Variants in TBCE observed in about 807,000 individuals in gnomAD.
The protein encoded by TBCE is tubulin folding cofactor E.
Under a neutral mutation model 77.0 loss-of-function variants are expected in TBCE, and 53 were observed. The observed-to-expected ratio is 0.69, with a 90% CI of 0.55 to 0.87. The LOEUF is 0.87. Ranked by LOEUF, TBCE falls within the 40% of genes least tolerant of loss-of-function variation. The pLI, the probability that TBCE is intolerant of heterozygous loss-of-function variation, is 0.00. For synonymous variants in TBCE, 235 were observed against 241.3 expected (o/e 0.97, Z 0.24); for missense variants, 624 against 622.4 (o/e 1.00, Z -0.03).
chr1:235,423,590 G>C (rs1279979512), intron 5 of TBCE: 1 of 153,802 alleles, frequency 6.5e-6, no homozygotes, highest in Non-Finnish European at 1.5e-5. Flanking sequence ...GGGCAGCCGA[G>C]AGGAGGCTGA....
intron 1 of TBCE, among the ~76,000 whole-genome samples, chr1:235,375,337 CA>C (rs1677230799): frequency 6.6e-6 from 1 of 152,132 alleles, no homozygotes; most frequent in South Asian, 2.1e-4. Flanking sequence ...CCATCTGAAC[CA>C]AGCCTTAGTC....
intron 4 of TBCE, among the ~76,000 whole-genome samples, chr1:235,417,356 T>C (rs182420544): frequency 7.3e-4 from 111 of 152,376 alleles, no homozygotes; most frequent in African/African-American, 2.4e-3. Flanking sequence ...TGTAGTTCTT[T>C]TCAATGATGT....
At chr1:235,445,062 T>A (rs1682153038) in intron 15 of TBCE, among the ~76,000 whole-genome samples, 1 of 152,252 alleles carries the variant, frequency 6.6e-6, no homozygotes, top group Admixed American at 6.5e-5. Context: ...GCTGTTTTTA[T>A]TAATCTTTGG....
Position 235,435,812 on chromosome 1 carries a change from C to T in TBCE, c.805C>T (p.Gln269Ter), listed in dbSNP as rs751896021. 1.2e-6 allele frequency: 2 copies of T among 1,614,154 alleles called. No homozygotes were observed. The highest frequency in any genetic ancestry group is 2.2e-5 in the South Asian group (2 of 91,082). The change falls in exon 9 of 17, where the codon CAG becomes TAG. Residue 269 changes from glutamine to a stop codon, truncating the protein, a stop_gained. Coordinates refer to ENST00000642610, the MANE Select transcript of TBCE (RefSeq NM_003193.5). LOFTEE classifies it high-confidence loss of function. ...CTCTAATCAATTAATTGATGAAAATCAGCTGTATCTGATAGCCCACCTGCC... is the reference window on the plus strand; with the variant it reads ...CTCTAATCAATTAATTGATGAAAATTAGCTGTATCTGATAGCCCACCTGCC... ...LSSNQLIDEN[Q>*]LYLIAHLPRL...
chr1:235,437,975 A>G (rs1424300714), intron 12 of TBCE, among the ~76,000 whole-genome samples: 1 of 152,192 alleles, frequency 6.6e-6, no homozygotes, highest in Non-Finnish European at 1.5e-5. Flanking sequence ...CACTTAGATC[A>G]GTGCAGTATC....
intron 13 of TBCE, 154 bp downstream of exon 13, chr1:235,439,076 C>T: frequency 9.4e-7 from 1 of 1,059,254 alleles, no homozygotes; most frequent in South Asian, 1.3e-5. Flanking sequence ...AGGCACTTTC[C>T]TGGGGCGAGG....
At position 235,428,705 on chromosome 1, in the gene TBCE, G is replaced by C. The variant is rs531190550; in HGVS notation, c.560+1466G>C. Among the ~76,000 whole-genome samples the C allele has an allele frequency of 4.6e-4, 70 of 151,326 alleles. 1 individual carries two copies. The highest frequency in any genetic ancestry group is 8.5e-4 in the Non-Finnish European group (58 of 67,860). On this transcript the variant is annotated intron_variant, in intron 6 of 16. Coordinates refer to ENST00000642610, the MANE Select transcript of TBCE (RefSeq NM_003193.5). ...TGTCGCCAGGCTGGAGTGCAGTGGC[G>C]TGATCTTGGCTCACTGCAACCTCTG...
chr1:235,390,374 TA>T (rs1051327670), intron 2 of TBCE, among the ~76,000 whole-genome samples: 7 of 151,982 alleles, frequency 4.6e-5, no homozygotes, highest in Admixed American at 1.3e-4. Flanking sequence ...TAGATGGAAT[TA>T]AGGTTGCTAA....
At chr1:235,381,625 C>T (rs1231668900) in intron 2 of TBCE, among the ~76,000 whole-genome samples, 1 of 127,484 alleles carries the variant, frequency 7.8e-6, no homozygotes, top group Non-Finnish European at 1.5e-5. Context: ...GTGGAGGTTG[C>T]AGTGAGCCGA....
At chr1:235,431,479 A>G (rs910230161) in intron 7 of TBCE, among the ~76,000 whole-genome samples, 1 of 151,200 alleles carries the variant, frequency 6.6e-6, no homozygotes, top group African/African-American at 2.4e-5. Context: ...CTCCCACCTC[A>G]GCCTCCCAAG....
intron 5 of TBCE, among the ~76,000 whole-genome samples, chr1:235,425,440 A>G (rs763101807): frequency 4.6e-5 from 7 of 151,980 alleles, no homozygotes; most frequent in South Asian, 2.1e-4. Context: ...TTTCCCTGCA[A>G]TTGTGCTCAA....
chr1:235,435,391 G>A (rs374739691), intron 8 of TBCE, among the ~76,000 whole-genome samples: 10 of 152,274 alleles, frequency 6.6e-5, no homozygotes, highest in African/African-American at 1.9e-4. Flanking sequence ...GTGAGCCACC[G>A]TGCCTGGCCT....
intron 3 of TBCE, among the ~76,000 whole-genome samples, chr1:235,406,949 C>T (rs1322381397): frequency 1.3e-5 from 2 of 149,692 alleles, no homozygotes; most frequent in Non-Finnish European, 2.9e-5. Flanking sequence ...ATTCTCCTGT[C>T]TCAGCCTTTT....
chr1:235,396,518 T>G (rs972787680), intron 2 of TBCE, among the ~76,000 whole-genome samples: 3 of 152,234 alleles, frequency 2.0e-5, no homozygotes, highest in African/African-American at 7.2e-5. Context: ...GCAGTGGGAT[T>G]GCTGGAACAT....
chr1:235,401,018 T>TA (rs1335758972), intron 2 of TBCE, among the ~76,000 whole-genome samples: 1 of 151,684 alleles, frequency 6.6e-6, no homozygotes, highest in African/African-American at 2.4e-5. Context: ...TTTTTTTTTT[T>TA]AATTTTTATT....
chr1:235,387,599 G>C (rs532858328), intron 2 of TBCE, among the ~76,000 whole-genome samples: 3 of 152,160 alleles, frequency 2.0e-5, no homozygotes, highest in Non-Finnish European at 2.9e-5. Flanking sequence ...AGGACCCTCC[G>C]AGCCAGGTGC....
At chr1:235,399,315 T>C (rs1346958297) in intron 2 of TBCE, among the ~76,000 whole-genome samples, 1 of 152,206 alleles carries the variant, frequency 6.6e-6, no homozygotes, top group Non-Finnish European at 1.5e-5. Flanking sequence ...GTATGATATA[T>C]ATTGGTTTTT....
At chr1:235,441,993 G>C in intron 14 of TBCE, 111 bp downstream of exon 14, 1 of 919,684 alleles carries the variant, frequency 1.1e-6, no homozygotes, top group South Asian at 1.5e-5. Context: ...TAAATGCCTT[G>C]AGTTTTAAAT....
At chr1:235,415,026 T>C (rs915302569) in intron 4 of TBCE, 1 of 264,000 alleles carries the variant, frequency 3.8e-6, no homozygotes, top group African/African-American at 2.2e-5. Flanking sequence ...AGGGAGTAGT[T>C]CTCACCTCGG....
Sources: allele counts gnomAD v4.1 joint callset (sites outside exome capture counted in the v4.1 genomes callset), GRCh38; gene constraint gnomAD v4.1.1; transcripts MANE v1.5; gene names NCBI Gene and HGNC (gene_info 2026-07-23, HGNC 2026-07-21).